TRAPPC12: variants seen among roughly 807,000 people sequenced by gnomAD.
The protein encoded by TRAPPC12 is TPR repeat protein 15.
In TRAPPC12, 61 loss-of-function variants were observed where a neutral mutation model predicts 69.2. The ratio of observed to expected loss-of-function variants is 0.88; its 90% CI spans 0.72 to 1.09. TRAPPC12 has a LOEUF of 1.09. Among genes scored for constraint, TRAPPC12 ranks in the 50% least tolerant of loss-of-function variants. The pLI is 0.00. For synonymous variants in TRAPPC12, 469 were observed against 438.9 expected (o/e 1.07, Z -0.86); for missense variants, 1,101 against 1,016.4 (o/e 1.08, Z -1.13).
chr2:3,392,662 G>A (rs1660888887), intron 2 of TRAPPC12, among the ~76,000 whole-genome samples: 1 of 152,234 alleles, frequency 6.6e-6, no homozygotes, highest in Non-Finnish European at 1.5e-5. Flanking sequence ...TATCATGGCT[G>A]TTAACCGAAA....
intron 3 of TRAPPC12, among the ~76,000 whole-genome samples, chr2:3,415,762 G>A (rs1240919306): frequency 1.3e-5 from 2 of 150,184 alleles, no homozygotes; most frequent in African/African-American, 4.9e-5. Context: ...TGTTGCCCAG[G>A]CTGGAGTACA....
intron 2 of TRAPPC12, among the ~76,000 whole-genome samples, chr2:3,395,961 A>G (rs1392917979): frequency 6.6e-6 from 1 of 152,108 alleles, no homozygotes; most frequent in Non-Finnish European, 1.5e-5. Context: ...ATCTCCTGAC[A>G]TCAAGTGATC....
chr2:3,413,186 C>T (rs1420339501), intron 3 of TRAPPC12, among the ~76,000 whole-genome samples: 1 of 152,028 alleles, frequency 6.6e-6, no homozygotes, highest in Non-Finnish European at 1.5e-5. Context: ...CACTGCATAC[C>T]CTCTTTCTTT....
Position 3,387,989 on chromosome 2 carries a change from C to T in TRAPPC12, c.366C>T (p.Asp122=). ...GEADGDCAPE[D]AAPSSGGAPR... ...CCGACGGCGACTGTGCCCCCGAGGA[C>T]GCGGCACCCAGTAGCGGAGGGGCCC... The change falls in exon 2 of 12, where the codon GAC becomes GAT. Residue 122 remains aspartate, a synonymous_variant. Transcript: ENST00000324266. 6.8e-7 allele frequency: 1 copy of T among 1,473,126 alleles called. No individual in the cohort carries two copies. The allele number at this position is 1,473,126 out of a possible 1,614,324, so 91.3% of individuals were successfully genotyped here. A position where few individuals can be genotyped will look rare whatever the true frequency, so the allele number is the denominator to read the frequency against.
intron 1 of TRAPPC12, among the ~76,000 whole-genome samples, chr2:3,385,970 GA>G (rs1044824723): frequency 6.6e-6 from 1 of 151,708 alleles, no homozygotes; most frequent in East Asian, 1.9e-4. Context: ...AACATGGCAG[GA>G]AAAAAAACGT....
At chr2:3,433,991 A>G (rs1299388918) in intron 5 of TRAPPC12, among the ~76,000 whole-genome samples, 2 of 152,122 alleles carry the variant, frequency 1.3e-5, no homozygotes, top group African/African-American at 4.8e-5. Context: ...CACCCTCAGC[A>G]TGGAGGATTT....
chr2:3,379,850 A>C lies in TRAPPC12; in HGVS notation c.-31A>C, dbSNP rs568990251. On this transcript the variant is annotated 5_prime_UTR_variant, in exon 1 of 12. Transcript: ENST00000324266. The stretch of plus-strand genomic sequence containing the variant: ...TGGTCACGGCCGCAGGTGACCCCTT[A>C]GCCCAGCTCCAGTGGGCGGGTGGCA... The C allele has an allele frequency of 2.6e-5, 4 of 152,626 alleles. No homozygotes were observed. The East Asian group carries it at 5.8e-4, about 22-fold the overall frequency. 9.5% of individuals were successfully genotyped at this position (152,626 alleles called of 1,614,324 possible). A position where few individuals can be genotyped will look rare whatever the true frequency, so the allele number is the denominator to read the frequency against.
At chr2:3,396,853 C>T (rs544213574) in intron 2 of TRAPPC12, among the ~76,000 whole-genome samples, 5 of 152,160 alleles carry the variant, frequency 3.3e-5, no homozygotes, top group African/African-American at 9.6e-5. Flanking sequence ...ATAAGAGGCA[C>T]CTTAAAGTTG....
At chr2:3,468,439 G>A (rs1298550433) in intron 9 of TRAPPC12, among the ~76,000 whole-genome samples, 3 of 151,846 alleles carry the variant, frequency 2.0e-5, no homozygotes, top group Non-Finnish European at 2.9e-5. Flanking sequence ...CCATACAACC[G>A]CCTGCCGTGA....
intron 1 of TRAPPC12, among the ~76,000 whole-genome samples, chr2:3,381,776 C>T (rs1355040844): frequency 3.3e-5 from 5 of 152,190 alleles, no homozygotes; most frequent in Non-Finnish European, 2.9e-5. Context: ...TGTGTCCCTC[C>T]CCAGTCAAGC....
At chr2:3,419,077 A>G (rs1477644921) in intron 3 of TRAPPC12, among the ~76,000 whole-genome samples, 5 of 152,060 alleles carry the variant, frequency 3.3e-5, no homozygotes, top group Non-Finnish European at 7.4e-5. Context: ...TGTTTTGCAC[A>G]CATTCTGTCC....
chr2:3,454,318 C>T (rs919293113), intron 6 of TRAPPC12, among the ~76,000 whole-genome samples: 14 of 149,242 alleles, frequency 9.4e-5, no homozygotes, highest in Admixed American at 2.0e-4. Context: ...CCTACCCCTG[C>T]GCCTTCCCAG....
chr2:3,418,789 C>T (rs1278882261), intron 3 of TRAPPC12, among the ~76,000 whole-genome samples: 2 of 152,190 alleles, frequency 1.3e-5, no homozygotes, highest in Non-Finnish European at 2.9e-5. Flanking sequence ...GCCTTAAGTT[C>T]ACCCCATCAG....
At chr2:3,430,117 C>CT (rs148352712) in intron 5 of TRAPPC12, among the ~76,000 whole-genome samples, 1 of 152,022 alleles carries the variant, frequency 6.6e-6, no homozygotes, top group African/African-American at 2.4e-5. Context: ...TCTTCATTTG[C>CT]TTTTTTTTCC....
At chr2:3,405,931 T>C (rs951662427) in intron 3 of TRAPPC12, among the ~76,000 whole-genome samples, 3 of 152,152 alleles carry the variant, frequency 2.0e-5, no homozygotes, top group Admixed American at 1.3e-4. Context: ...CCACTTCCCA[T>C]AGGGAAGCTG....
At position 3,465,038 on chromosome 2, in the gene TRAPPC12, G is replaced by A. The variant is rs543948078; in HGVS notation, c.1678-559G>A. ...AAAACGGGAAGGTCTCATGCGTGCC[G>A]CACGGAGCACACGACATTCACGCAC... On this transcript the variant is annotated intron_variant, in intron 8 of 11. Transcript: ENST00000324266. Among the ~76,000 whole-genome samples, 5 of 152,316 alleles carry A rather than the reference G, an allele frequency of 3.3e-5. 1 individual carries two copies. The highest frequency in any genetic ancestry group is 6.8e-3 in the Middle Eastern group (2 of 294).
chr2:3,458,434 C>G, intron 7 of TRAPPC12: 1 of 986,072 alleles, frequency 1.0e-6, no homozygotes, highest in African/African-American at 1.7e-5. Context: ...CAGCCCAAGT[C>G]AAGATCGGGT....
chr2:3,384,908 C>G (rs1021469166), intron 1 of TRAPPC12, among the ~76,000 whole-genome samples: 1 of 152,116 alleles, frequency 6.6e-6, no homozygotes, highest in African/African-American at 2.4e-5. Flanking sequence ...GACTTAACTA[C>G]TGGTTATACT....
At chr2:3,380,482 A>AT (rs1353911791) in intron 1 of TRAPPC12, among the ~76,000 whole-genome samples, 1 of 152,184 alleles carries the variant, frequency 6.6e-6, no homozygotes, top group Non-Finnish European at 1.5e-5. Flanking sequence ...TTAACGTGTC[A>AT]TTTTTTCACT....
Sources: allele counts gnomAD v4.1 joint callset (sites outside exome capture counted in the v4.1 genomes callset), GRCh38; gene constraint gnomAD v4.1.1; transcripts MANE v1.5; gene names NCBI Gene and HGNC (gene_info 2026-07-23, HGNC 2026-07-21).